The following RUVBL1 variants were observed in gnomAD, a reference collection of about 807,000 sequenced individuals.
The protein encoded by RUVBL1 is ruvB-like 1.
RUVBL1 carries 4 observed loss-of-function variants against 52.4 expected under a neutral mutation model. That is an observed-to-expected ratio of 0.08 (90% confidence interval 0.04 to 0.17). The LOEUF (loss-of-function observed/expected upper bound fraction) is 0.17, where lower values mean the gene tolerates loss of function less well. Among genes scored for constraint, RUVBL1 ranks in the 10% least tolerant of loss-of-function variants. The pLI is 1.00. For missense variants in RUVBL1, 298 were observed against 572.8 expected, an observed-to-expected ratio of 0.52 and a Z score of 4.90; for synonymous variants, 217 against 214.4, an observed-to-expected ratio of 1.01 and a Z score of -0.10.
exon 1 of RUVBL1, chr3:128,153,812 C>A (rs1276396990): frequency 1.3e-6 from 2 of 1,514,006 alleles, no homozygotes; most frequent in Non-Finnish European, 1.8e-6. Context: ...CTCATCCGGA[C>A]CATCATCGGC....
rs775866819 is a variant in RUVBL1, at chr3:128,081,229, C to T, written c.*21G>A. The T allele has an allele frequency of 5.0e-6, 8 of 1,607,902 alleles. 1 individual carries two copies. The South Asian group carries it at 8.8e-5, about 18-fold the overall frequency. Reference sequence around the variant, plus strand: ...CCAGGCACACCTGGGGAGTCTCTTACTGCTGAAAACCTCAGCCATCTCACT... The same window carrying T: ...CCAGGCACACCTGGGGAGTCTCTTATTGCTGAAAACCTCAGCCATCTCACT... On this transcript the variant is annotated 3_prime_UTR_variant, in exon 11 of 11. Coordinates refer to ENST00000322623, the MANE Select transcript of RUVBL1 (RefSeq NM_003707.3). This position sits in a 1 kb window ranked among gnomAD's most constrained non-coding sequence, Gnocchi z 4.8.
chr3:128,068,024 C>T, intron 9 of RUVBL1: 1 of 1,613,788 alleles, frequency 6.2e-7, no homozygotes, highest in Non-Finnish European at 8.5e-7. Context: ...TGATGAGAGG[C>T]CACCGAGAGA....
chr3:128,122,909 A>G (rs191528829), intron 1 of RUVBL1, among the ~76,000 whole-genome samples: 1 of 152,348 alleles, frequency 6.6e-6, no homozygotes, highest in East Asian at 1.9e-4. Flanking sequence ...AATAATATGT[A>G]TGTGAAAGTA....
At chr3:128,101,673 A>G in intron 4 of RUVBL1, 25 bp from the exon 5 acceptor site, 2 of 1,603,746 alleles carry the variant, frequency 1.2e-6, no homozygotes, top group Non-Finnish European at 1.7e-6. Context: ...GTAAATCAGA[A>G]GTGTAATACA....
chr3:128,123,558 C>G, intron 1 of RUVBL1, 26 bp downstream of exon 1: 2 of 1,571,456 alleles, frequency 1.3e-6, no homozygotes, highest in Non-Finnish European at 1.7e-6. Flanking sequence ...CTTGCAGCCC[C>G]CAACTCCCTG....
At chr3:128,101,197 T>C (rs1202438830) in intron 5 of RUVBL1, among the ~76,000 whole-genome samples, 1 of 152,230 alleles carries the variant, frequency 6.6e-6, no homozygotes, top group African/African-American at 2.4e-5. Flanking sequence ...CCCACATGCA[T>C]ATATCTTGGG....
At position 128,081,362 on chromosome 3, in the gene RUVBL1, T is replaced by C. The variant is rs772183542; in HGVS notation, c.1259A>G (p.Asn420Ser). ...LTPANLLAKI[N>S]GKDSIEKEHV... Reference sequence around the variant, plus strand: ...CTCTTTCTCAATGCTGTCCTTCCCGTTGATTTTAGCAAGCAAGTTGGCCGG... The same window carrying C: ...CTCTTTCTCAATGCTGTCCTTCCCGCTGATTTTAGCAAGCAAGTTGGCCGG... The change falls in exon 11 of 11, where the codon AAC (asparagine) becomes AGC (serine). Residue 420 changes from asparagine to serine, a missense_variant. Transcript: ENST00000322623. This position sits in a 1 kb window ranked among gnomAD's most constrained non-coding sequence, Gnocchi z 4.8. 2 of 1,614,168 alleles carry C rather than the reference T, an allele frequency of 1.2e-6. No homozygotes were observed. Among genetic ancestry groups the C allele is most frequent in the Non-Finnish European group, 1.7e-6 (2 of 1,180,008 alleles).
At chr3:128,152,893 C>CCCGCCCCCCCCCCGCCCCCCATCCT (rs1944252016) in intron 1 of RUVBL1, among the ~76,000 whole-genome samples, 74 of 29,764 alleles carry the variant, frequency 2.5e-3, no homozygotes, top group South Asian at 5.2e-3. Flanking sequence ...CCCCCTCCCC[C>CCCGCCCCCCCCCCGCCCCCCATCCT]ACGTCCCCCC....
intron 3 of RUVBL1, among the ~76,000 whole-genome samples, chr3:128,108,841 G>A (rs981451504): frequency 1.3e-5 from 2 of 152,052 alleles, no homozygotes; most frequent in African/African-American, 2.4e-5. Flanking sequence ...AAGGAGTCCT[G>A]CGAGTCATTT....
At chr3:128,077,229 G>C (rs1483572067), downstream of RUVBL1, among the ~76,000 whole-genome samples, 3 of 152,084 alleles carry the variant, frequency 2.0e-5, no homozygotes, top group African/African-American at 7.2e-5. Flanking sequence ...GGCAGCAGGG[G>C]ACGACAGGCA....
Position 128,067,449 on chromosome 3 carries a change from C to T in RUVBL1, c.940-2229G>A, listed in dbSNP as rs959826835. The T allele has an allele frequency of 3.1e-6, 5 of 1,613,958 alleles. No individual in the cohort carries two copies. In the African/African-American group the frequency reaches 5.3e-5, roughly 17 times the overall value. ...ACGTCTTCTGGGGGCCCAGCACGTG[C>T]TTATCCAGTTGGTGGCCTTTGCTAT... On this transcript the variant is annotated intron_variant, in intron 9 of 9. Coordinates refer to the RUVBL1 transcript ENST00000464873. This position sits in a 1 kb window ranked among gnomAD's most constrained non-coding sequence, Gnocchi z 4.1.
chr3:128,130,083 A>C (rs1943850700), intron 1 of RUVBL1, among the ~76,000 whole-genome samples: 1 of 152,126 alleles, frequency 6.6e-6, no homozygotes, highest in Non-Finnish European at 1.5e-5. Flanking sequence ...AAACAGAAAA[A>C]CAGAGAAAAT....
intron 5 of RUVBL1, among the ~76,000 whole-genome samples, chr3:128,101,085 G>T (rs1194659641): frequency 2.0e-5 from 3 of 152,160 alleles, no homozygotes; most frequent in Admixed American, 2.0e-4. Context: ...ATGATTTATT[G>T]TATGATATGA....
chr3:128,140,613 G>A (rs548443120), intron 1 of RUVBL1, among the ~76,000 whole-genome samples: 2 of 152,212 alleles, frequency 1.3e-5, no homozygotes, highest in South Asian at 2.1e-4. Flanking sequence ...GTAAGTTTTA[G>A]TGTACTGGAG....
intron 8 of RUVBL1, among the ~76,000 whole-genome samples, chr3:128,095,244 A>AC (rs1472309339): frequency 6.6e-6 from 1 of 152,256 alleles, no homozygotes; most frequent in East Asian, 1.9e-4. Context: ...GAGAGATGCC[A>AC]GGCTCTGCAG....
Position 128,081,336 on chromosome 3 carries a change from G to T in RUVBL1, c.1285C>A (p.His429Asn). ...INGKDSIEKE[H>N]VEEISELFYD... ...AAAAGTTCACTGATCTCTTCGACAT[G>T]CTCTTTCTCAATGCTGTCCTTCCCG... The change falls in exon 11 of 11, where the codon CAT becomes AAT. Residue 429 changes from histidine to asparagine, a missense_variant. By Grantham distance (68) the His-to-Asn change is moderately conservative. Transcript: ENST00000322623. The surrounding 1 kb of genome is among the most constrained non-coding windows in gnomAD (Gnocchi z 4.8). The T allele has an allele frequency of 6.2e-7, 1 of 1,614,234 alleles. No homozygotes were observed.
intron 9 of RUVBL1, chr3:128,068,048 T>C (rs1397328566): frequency 6.2e-7 from 1 of 1,613,476 alleles, no homozygotes. Flanking sequence ...CCATGGTCCA[T>C]GAACTCAACC....
intron 1 of RUVBL1, among the ~76,000 whole-genome samples, chr3:128,144,528 C>T (rs974200181): frequency 1.3e-5 from 2 of 152,190 alleles, no homozygotes; most frequent in Non-Finnish European, 2.9e-5. Context: ...AGGGGGCCCA[C>T]GGAGTCTGTT....
intron 9 of RUVBL1, among the ~76,000 whole-genome samples, chr3:128,075,576 ACCTCGCTTGCTGGGAAGTCGCGCACTTT>A (rs1201434737): frequency 2.0e-5 from 3 of 151,584 alleles, no homozygotes; most frequent in African/African-American, 7.3e-5. Flanking sequence ...CGGGACTTCA[ACCTCGCTTGCTGGGAAGTCGCGCACTTT>A]CGTCGCGACT....
Sources: allele counts gnomAD v4.1 joint callset (sites outside exome capture counted in the v4.1 genomes callset), GRCh38; gene constraint gnomAD v4.1.1; non-coding constraint Gnocchi (gnomAD v3.1); transcripts MANE v1.5; gene names NCBI Gene and HGNC (gene_info 2026-07-23, HGNC 2026-07-21).